Variants in TMOD3 observed in about 807,000 individuals in gnomAD.
TMOD3 encodes the protein tropomodulin-3.
In TMOD3, 20 loss-of-function variants were observed where a neutral mutation model predicts 39.2. The ratio of observed to expected loss-of-function variants is 0.51; its 90% CI spans 0.36 to 0.74. The LOEUF (loss-of-function observed/expected upper bound fraction) is 0.74. TMOD3 is among the 30% of genes least tolerant of loss of function. The pLI, the probability that TMOD3 is intolerant of heterozygous loss-of-function variation, is 0.00. For missense variants in TMOD3, 381 were observed against 412.8 expected (o/e 0.92, Z 0.67); for synonymous variants, 143 against 145.8 (o/e 0.98, Z 0.14).
intron 3 of TMOD3, among the ~76,000 whole-genome samples, chr15:51,877,628 C>T (rs1432453548): frequency 6.6e-6 from 1 of 151,036 alleles, no homozygotes; most frequent in East Asian, 1.9e-4. Context: ...TGCAGTGAGC[C>T]GAGATTGCAC....
At chr15:51,830,782 G>C (rs1448497349) in intron 1 of TMOD3, among the ~76,000 whole-genome samples, 5 of 152,154 alleles carry the variant, frequency 3.3e-5, no homozygotes, top group Non-Finnish European at 4.4e-5. Context: ...TTGATTAATT[G>C]GCCCGTCAAA....
At chr15:51,842,468 T>C (rs2056316961) in intron 1 of TMOD3, among the ~76,000 whole-genome samples, 2 of 152,228 alleles carry the variant, frequency 1.3e-5, no homozygotes, top group South Asian at 4.1e-4. Context: ...CTCTTTGTGT[T>C]CCAAAAATTG....
chr15:51,859,709 A>C, intron 1 of TMOD3: 2 of 483,770 alleles, frequency 4.1e-6, no homozygotes, highest in Middle Eastern at 6.9e-4. Context: ...CTCAAAAAGC[A>C]TGGCTATGTC....
chr15:51,853,289 C>T (rs920546679), intron 1 of TMOD3, among the ~76,000 whole-genome samples: 1 of 152,160 alleles, frequency 6.6e-6, no homozygotes, highest in Non-Finnish European at 1.5e-5. Flanking sequence ...GCAGCCTGGA[C>T]CTCTTGGGTT....
Position 51,862,822 on chromosome 15 carries a change from A to T in TMOD3, c.-63A>T. The T allele has an allele frequency of 6.6e-7, 1 of 1,504,634 alleles. No individual in the cohort carries two copies. The highest frequency in any genetic ancestry group is 8.9e-7 in the Non-Finnish European group (1 of 1,124,602). The allele number at this position is 1,504,634 out of a possible 1,614,324, so 93.2% of individuals were successfully genotyped here. ...TCTTCTCTCCATAGCTTTAAGAAAA[A>T]GTAGAGATCACTTCTGACTGTACTG... is the stretch of plus-strand genomic sequence containing the variant. On this transcript the variant is annotated 5_prime_UTR_variant, in exon 2 of 10. In the 5' UTR this introduces an upstream ATG that the reference lacks. Transcript: ENST00000308580.
intron 2 of TMOD3, among the ~76,000 whole-genome samples, chr15:51,868,530 G>A (rs2056458850): frequency 6.6e-6 from 1 of 151,994 alleles, no homozygotes; most frequent in African/African-American, 2.4e-5. Flanking sequence ...TGCTCTATAT[G>A]TCCGTGTGTT....
At chr15:51,831,916 C>T (rs2056257342) in intron 1 of TMOD3, among the ~76,000 whole-genome samples, 1 of 152,076 alleles carries the variant, frequency 6.6e-6, no homozygotes, top group Non-Finnish European at 1.5e-5. Context: ...GGCCTGGTGG[C>T]TCACACCTGT....
chr15:51,898,357 C>T (rs990555489), intron 7 of TMOD3, among the ~76,000 whole-genome samples: 6 of 152,168 alleles, frequency 3.9e-5, no homozygotes, highest in Non-Finnish European at 7.3e-5. Context: ...TTTTCCTGAC[C>T]GTGCTATATA....
chr15:51,837,455 A>T (rs2056292320), intron 1 of TMOD3, among the ~76,000 whole-genome samples: 1 of 149,010 alleles, frequency 6.7e-6, no homozygotes, highest in African/African-American at 2.5e-5. Flanking sequence ...TAATGTGCCC[A>T]CTTGAGTGCT....
chr15:51,861,194 G>C (rs917818807), intron 1 of TMOD3: 6 of 474,876 alleles, frequency 1.3e-5, no homozygotes, highest in Admixed American at 7.3e-5. Flanking sequence ...CCTTCTTAAT[G>C]ATAGCGTTAA....
chr15:51,869,613 C>A (rs889183398), intron 3 of TMOD3, among the ~76,000 whole-genome samples: 4 of 152,090 alleles, frequency 2.6e-5, no homozygotes, highest in African/African-American at 9.7e-5. Context: ...GAATAACATT[C>A]TTTAATTCTC....
chr15:51,903,489 C>G (rs559845756), intron 9 of TMOD3, among the ~76,000 whole-genome samples: 1 of 152,308 alleles, frequency 6.6e-6, no homozygotes, highest in Non-Finnish European at 1.5e-5. Context: ...GAAAAAATAG[C>G]ACTTCATTTC....
chr15:51,902,385 C>T (rs897000842), intron 9 of TMOD3, among the ~76,000 whole-genome samples: 1 of 152,092 alleles, frequency 6.6e-6, no homozygotes, highest in African/African-American at 2.4e-5. Context: ...ATCAAGCGGA[C>T]CCAGATAGAA....
intron 1 of TMOD3, among the ~76,000 whole-genome samples, chr15:51,858,964 G>C (rs2056402267): frequency 6.6e-6 from 1 of 152,078 alleles, no homozygotes; most frequent in African/African-American, 2.4e-5. Context: ...TTGAATCCAG[G>C]AGTTCAAGAC....
intron 5 of TMOD3, among the ~76,000 whole-genome samples, chr15:51,893,137 A>C (rs1360849655): frequency 6.6e-6 from 1 of 151,794 alleles, no homozygotes; most frequent in African/African-American, 2.4e-5. Flanking sequence ...TCTACTAAAA[A>C]TACAAAAATT....
intron 1 of TMOD3, among the ~76,000 whole-genome samples, chr15:51,833,964 A>C (rs1260400619): frequency 6.6e-6 from 1 of 152,152 alleles, no homozygotes; most frequent in South Asian, 2.1e-4. Flanking sequence ...CAGCCTTTTC[A>C]ATTTTAGTCA....
chr15:51,900,616 T>C (rs1427318178), intron 8 of TMOD3, among the ~76,000 whole-genome samples: 1 of 152,174 alleles, frequency 6.6e-6, no homozygotes, highest in Non-Finnish European at 1.5e-5. Context: ...AAGGTCCACA[T>C]TGTAGGGTTT....
chr15:51,842,912 G>A (rs986380857), intron 1 of TMOD3, among the ~76,000 whole-genome samples: 1 of 152,108 alleles, frequency 6.6e-6, no homozygotes, highest in South Asian at 2.1e-4. Flanking sequence ...GGCCCCTGAC[G>A]TTGATTAGAG....
At chr15:51,833,448 T>A (rs1034336630) in intron 1 of TMOD3, 4 of 152,258 alleles carry the variant, frequency 2.6e-5, no homozygotes, top group African/African-American at 9.6e-5. Context: ...CTGACAATTG[T>A]ATACACTGTA....
Sources: allele counts gnomAD v4.1 joint callset (sites outside exome capture counted in the v4.1 genomes callset), GRCh38; gene constraint gnomAD v4.1.1; transcripts MANE v1.5; gene names NCBI Gene and HGNC (gene_info 2026-07-23, HGNC 2026-07-21).